Variants in SMCHD1 observed in about 807,000 individuals in gnomAD.
SMCHD1 encodes structural maintenance of chromosomes flexible hinge domain containing 1.
In SMCHD1, 78 loss-of-function variants were observed where a neutral mutation model predicts 254.7. The observed-to-expected ratio is 0.31, with a 90% CI of 0.26 to 0.37. SMCHD1 has a LOEUF of 0.37. Among genes scored for constraint, SMCHD1 ranks in the 10% least tolerant of loss-of-function variants. The pLI is 1.00. For missense variants in SMCHD1, 1,840 were observed against 2,408.1 expected (o/e 0.76, Z 4.94); for synonymous variants, 766 against 794.9 (o/e 0.96, Z 0.61).
In SMCHD1 at chr18:2,775,644, T is replaced by G. The variant is rs1040873312; in HGVS notation, c.5176-90T>G. On this transcript the variant is annotated intron_variant, in intron 41 of 47. Transcript: ENST00000320876. ...TTTTAATTCATGTGTTTCAGAGAAG[T>G]TTTTGTTACCTAGGCTTGGGCTTTT... 34 of 1,129,782 alleles carry G rather than the reference T, an allele frequency of 3.0e-5. No homozygotes were observed. The African/African-American group carries it at 4.9e-4, about 16-fold the overall frequency. The allele number at this position is 1,129,782 out of a possible 1,614,324, so 70.0% of individuals were successfully genotyped here.
At chr18:2,755,855 C>T (rs1468314454) in intron 34 of SMCHD1, among the ~76,000 whole-genome samples, 1 of 152,134 alleles carries the variant, frequency 6.6e-6, no homozygotes. Flanking sequence ...GTGTGAATCA[C>T]CGCCCTCGGC....
intron 47 of SMCHD1, among the ~76,000 whole-genome samples, chr18:2,799,880 C>G (rs957204532): frequency 2.0e-5 from 3 of 152,178 alleles, no homozygotes; most frequent in Admixed American, 2.0e-4. Context: ...TAGTTACTCT[C>G]TTGGATTATA....
At chr18:2,721,943 G>C (rs1050880219) in intron 19 of SMCHD1, among the ~76,000 whole-genome samples, 1 of 152,148 alleles carries the variant, frequency 6.6e-6, no homozygotes, top group African/African-American at 2.4e-5. Context: ...ATAGGCCCTA[G>C]AATTTGCATT....
chr18:2,695,046 A>G (rs75200323), intron 8 of SMCHD1, among the ~76,000 whole-genome samples: 26,699 of 69,572 alleles, frequency 0.38, 2,778 homozygotes, highest in South Asian at 0.54. Flanking sequence ...TCCATACCAT[A>G]TATATTTATT....
At chr18:2,785,647 CAAAAAAAAAAA>C (rs1555656125) in intron 45 of SMCHD1, among the ~76,000 whole-genome samples, 19 of 12,670 alleles carry the variant, frequency 1.5e-3, no homozygotes, top group Admixed American at 3.0e-3. Context: ...GACTCTGTCT[CAAAAAAAAAAA>C]AAAAAAAAAA....
At position 2,725,078 on chromosome 18, in the gene SMCHD1, G is replaced by C. The variant is rs1358696255; in HGVS notation, c.2700+83G>C. 8 of 834,132 alleles carry C rather than the reference G, an allele frequency of 9.6e-6. No individual in the cohort carries two copies. In the East Asian group the frequency reaches 2.4e-4, roughly 25 times the overall value. 51.7% of individuals were successfully genotyped at this position (834,132 alleles called of 1,614,324 possible). On this transcript the variant is annotated intron_variant, in intron 21 of 47. Coordinates refer to ENST00000320876, the MANE Select transcript of SMCHD1 (RefSeq NM_015295.3). ...AGAATGAAATTGTAAATGAAAAGTG[G>C]AATGACCTATTTTTAAAAAACAGAT...
chr18:2,697,333 C>CT (rs558290611), intron 9 of SMCHD1: 2 of 374,820 alleles, frequency 5.3e-6, no homozygotes, highest in Non-Finnish European at 9.7e-6. Flanking sequence ...CTTGGTTTAT[C>CT]TTTTTTTGTC....
intron 13 of SMCHD1, among the ~76,000 whole-genome samples, chr18:2,704,937 T>TTG (rs2074481643): frequency 6.6e-6 from 1 of 152,218 alleles, no homozygotes; most frequent in Non-Finnish European, 1.5e-5. Context: ...GATAAGCTGG[T>TTG]GAGACAGAAG....
intron 44 of SMCHD1, among the ~76,000 whole-genome samples, chr18:2,778,585 C>G (rs914788787): frequency 1.3e-5 from 2 of 151,938 alleles, no homozygotes; most frequent in South Asian, 4.2e-4. Context: ...ATATTACTGT[C>G]CCACAACAGA....
chr18:2,672,319 C>T (rs1040963699), intron 3 of SMCHD1, among the ~76,000 whole-genome samples: 21 of 152,176 alleles, frequency 1.4e-4, no homozygotes, highest in Non-Finnish European at 2.8e-4. Flanking sequence ...CTCTGCCTCC[C>T]AGGTTCAAGC....
intron 19 of SMCHD1, among the ~76,000 whole-genome samples, chr18:2,719,668 C>G (rs1353925179): frequency 1.0e-5 from 1 of 100,308 alleles, no homozygotes; most frequent in Non-Finnish European, 1.9e-5. Flanking sequence ...CTGCAGTTCA[C>G]TGCACCTAAT....
At chr18:2,658,583 A>G (rs1470134828) in intron 1 of SMCHD1, among the ~76,000 whole-genome samples, 1 of 152,186 alleles carries the variant, frequency 6.6e-6, no homozygotes, top group Non-Finnish European at 1.5e-5. Flanking sequence ...GTTAGAAATG[A>G]GAGGGACCAA....
At chr18:2,766,217 T>C (rs2075866005) in intron 37 of SMCHD1, among the ~76,000 whole-genome samples, 1 of 152,118 alleles carries the variant, frequency 6.6e-6, no homozygotes, top group Non-Finnish European at 1.5e-5. Context: ...ATGGTCTCGA[T>C]CTCCTGACCT....
intron 1 of SMCHD1, 89 bp from the exon 2 acceptor site, chr18:2,666,068 T>G (rs1293989381): frequency 1.6e-6 from 1 of 631,430 alleles, no homozygotes; most frequent in Non-Finnish European, 2.7e-6. Flanking sequence ...AATTATAATG[T>G]ACTATCAATA....
intron 39 of SMCHD1, 124 bp from the exon 40 acceptor site, chr18:2,771,409 A>G (rs1458986785): frequency 1.5e-6 from 1 of 656,156 alleles, no homozygotes; most frequent in Non-Finnish European, 2.5e-6. Flanking sequence ...ATGGTCACCT[A>G]TCAGTTTTCA....
At chr18:2,685,205 T>C (rs2074023144) in intron 5 of SMCHD1, among the ~76,000 whole-genome samples, 1 of 145,330 alleles carries the variant, frequency 6.9e-6, no homozygotes, top group Non-Finnish European at 1.5e-5. Context: ...GTTCACGCCA[T>C]TCTCCGGCCT....
intron 17 of SMCHD1, among the ~76,000 whole-genome samples, chr18:2,709,246 A>ATATATATATATATATATATG (rs759808617): frequency 0.043 from 4,593 of 107,076 alleles, 116 homozygotes; most frequent in South Asian, 0.098. Flanking sequence ...ATATATATAT[A>ATATATATATATATATATATG]TATACACACA....
At chr18:2,707,268 C>T (rs959543452) in intron 15 of SMCHD1, among the ~76,000 whole-genome samples, 1 of 151,002 alleles carries the variant, frequency 6.6e-6, no homozygotes, top group Non-Finnish European at 1.5e-5. Context: ...GTTATCCTGT[C>T]TTCTAAAGGT....
At chr18:2,769,127 A>G (rs990949668) in intron 37 of SMCHD1, among the ~76,000 whole-genome samples, 1 of 152,172 alleles carries the variant, frequency 6.6e-6, no homozygotes, top group Non-Finnish European at 1.5e-5. Context: ...TACTAGTTAT[A>G]TGTTTTGGTC....
Sources: allele counts gnomAD v4.1 joint callset (sites outside exome capture counted in the v4.1 genomes callset), GRCh38; gene constraint gnomAD v4.1.1; transcripts MANE v1.5; gene names NCBI Gene and HGNC (gene_info 2026-07-23, HGNC 2026-07-21).